The following METTL25 variants were observed in gnomAD, a reference collection of about 807,000 sequenced individuals.
METTL25 encodes the protein probable methyltransferase-like protein 25.
METTL25 carries 64 observed loss-of-function variants against 71.6 expected under a neutral mutation model. That is an observed-to-expected ratio of 0.89 (90% confidence interval 0.73 to 1.10). METTL25 has a LOEUF of 1.10. METTL25 is among the 50% of genes least tolerant of loss of function. The probability of loss-of-function intolerance (pLI) is 0.00; values close to 1 mark genes in which losing one functional copy is unlikely to be tolerated. For synonymous variants in METTL25, 287 were observed against 250.3 expected, an observed-to-expected ratio of 1.15 and a Z score of -1.38; for missense variants, 807 against 707.0, an observed-to-expected ratio of 1.14 and a Z score of -1.60.
intron 4 of METTL25, among the ~76,000 whole-genome samples, chr12:82,400,589 T>TAAAA (rs5799584): frequency 0.31 from 47,084 of 151,896 alleles, 8,533 homozygotes; most frequent in African/African-American, 0.51. Flanking sequence ...TAGTTTAACT[T>TAAAA]AAATGTAAAT....
Position 82,398,938 on chromosome 12 carries a change from ACT to A in METTL25, c.678_679del (p.Cys227SerfsTer24), listed in dbSNP as rs1427503079. On this transcript the variant is annotated frameshift_variant, in exon 4 of 12. Transcript: ENST00000248306. LOFTEE classifies it high-confidence loss of function. ...RNRKLKKHWK[L>X]CHAQSRLDVN... ...ACAGAAAATTGAAGAAACATTGGAA[ACT>A]CTGTCATGCTCAGTCAAGATTAGAT... 6.2e-7 allele frequency: 1 copy of A among 1,612,388 alleles called. No individual in the cohort carries two copies. The highest frequency in any genetic ancestry group is 1.7e-5 in the Admixed American group (1 of 59,870).
intron 1 of METTL25, among the ~76,000 whole-genome samples, chr12:82,379,463 A>G (rs1884211053): frequency 6.6e-6 from 1 of 152,172 alleles, no homozygotes; most frequent in Non-Finnish European, 1.5e-5. Flanking sequence ...TTATTCTTAA[A>G]TGCTTCTCAT....
intron 5 of METTL25, among the ~76,000 whole-genome samples, chr12:82,412,236 A>G (rs1157982387): frequency 1.3e-5 from 2 of 152,110 alleles, no homozygotes; most frequent in African/African-American, 2.4e-5. Context: ...TAGGTACTTA[A>G]TCTTATAACA....
chr12:82,405,562 TC>T (rs1293597303), intron 5 of METTL25, among the ~76,000 whole-genome samples: 2 of 152,188 alleles, frequency 1.3e-5, no homozygotes, highest in African/African-American at 4.8e-5. Flanking sequence ...TCCTTGCTAA[TC>T]CATTTTAAAT....
intron 5 of METTL25, among the ~76,000 whole-genome samples, chr12:82,422,081 A>G (rs1888562253): frequency 6.6e-6 from 1 of 152,188 alleles, no homozygotes; most frequent in Non-Finnish European, 1.5e-5. Flanking sequence ...AAAGCCTGGC[A>G]GAGACACAAC....
intron 5 of METTL25, among the ~76,000 whole-genome samples, chr12:82,415,572 T>C (rs1335946114): frequency 1.3e-5 from 2 of 152,074 alleles, no homozygotes; most frequent in Non-Finnish European, 2.9e-5. Flanking sequence ...TGTACATTCC[T>C]GTGTGAGACT....
intron 2 of METTL25, among the ~76,000 whole-genome samples, chr12:82,387,516 A>C (rs1885154017): frequency 6.6e-6 from 1 of 151,988 alleles, no homozygotes; most frequent in African/African-American, 2.4e-5. Context: ...AAAAAAACTC[A>C]GATTCTTTTA....
chr12:82,438,984 C>A (rs1592725181), intron 8 of METTL25, 193 bp downstream of exon 8: 1 of 367,636 alleles, frequency 2.7e-6, no homozygotes, highest in East Asian at 4.1e-5. Flanking sequence ...TCTAATGATT[C>A]CTTCTTGTCC....
At chr12:82,478,165 G>A (rs905107933) in intron 11 of METTL25, among the ~76,000 whole-genome samples, 4 of 151,646 alleles carry the variant, frequency 2.6e-5, no homozygotes, top group Non-Finnish European at 4.4e-5. Context: ...GAAAGCTTTG[G>A]TTCCTAAGTT....
intron 8 of METTL25, 175 bp downstream of exon 8, chr12:82,438,966 G>A: frequency 2.4e-6 from 1 of 408,440 alleles, no homozygotes; most frequent in East Asian, 3.9e-5. Flanking sequence ...TATCATTAAA[G>A]TGGGGGCTCT....
rs770360255 is a variant in METTL25, at chr12:82,386,861, A to C, written c.318A>C (p.Glu106Asp). The change falls in exon 2 of 12, where the codon GAA becomes GAC. Residue 106 changes from glutamate to aspartate, a missense_variant. Physicochemically the swap from Glu to Asp is conservative, Grantham distance 45. Coordinates refer to ENST00000248306, the MANE Select transcript of METTL25 (RefSeq NM_032230.3). Reference protein sequence around the residue: ...CETSQKLVSVEAFALAAKYYS... With the variant: ...CETSQKLVSVDAFALAAKYYS... ...CTTCTCAGAAGTTGGTGAGTGTGGA[A>C]GCCTTTGCTCTGGCTGCGAAATACT... is the stretch of plus-strand genomic sequence containing the variant. The C allele has an allele frequency of 6.2e-7, 1 of 1,613,512 alleles. No homozygotes were observed. Among genetic ancestry groups the C allele is most frequent in the East Asian group, 2.2e-5 (1 of 44,840 alleles).
chr12:82,442,703 G>A (rs1890438648), intron 8 of METTL25, among the ~76,000 whole-genome samples: 1 of 152,096 alleles, frequency 6.6e-6, no homozygotes. Context: ...ATGAGACATT[G>A]TGGAAATTCA....
At chr12:82,415,950 T>A (rs1301258332) in intron 5 of METTL25, among the ~76,000 whole-genome samples, 1 of 152,156 alleles carries the variant, frequency 6.6e-6, no homozygotes, top group Non-Finnish European at 1.5e-5. Flanking sequence ...AATTTAATCA[T>A]TGTATTGTAA....
intron 1 of METTL25, among the ~76,000 whole-genome samples, chr12:82,365,009 C>T (rs979663447): frequency 1.3e-5 from 2 of 152,072 alleles, no homozygotes; most frequent in African/African-American, 4.8e-5. Context: ...TCTATTTTTA[C>T]ATTAAAATTG....
intron 1 of METTL25, among the ~76,000 whole-genome samples, chr12:82,359,561 T>C (rs1050287246): frequency 1.3e-5 from 2 of 152,252 alleles, no homozygotes; most frequent in African/African-American, 4.8e-5. Flanking sequence ...AAGCTGAAGC[T>C]GAGAGGCCAG....
chr12:82,364,401 G>T (rs1882325801), intron 1 of METTL25, among the ~76,000 whole-genome samples: 1 of 152,172 alleles, frequency 6.6e-6, no homozygotes, highest in South Asian at 2.1e-4. Context: ...TGCTTTTGTG[G>T]CAACTTTGTG....
At chr12:82,408,859 C>T (rs1887323034) in intron 5 of METTL25, among the ~76,000 whole-genome samples, 1 of 152,056 alleles carries the variant, frequency 6.6e-6, no homozygotes, top group African/African-American at 2.4e-5. Context: ...TGTAATATAT[C>T]AAGCACTAGG....
chr12:82,362,283 A>G (rs1021416004), intron 1 of METTL25, among the ~76,000 whole-genome samples: 26 of 152,232 alleles, frequency 1.7e-4, no homozygotes, highest in Non-Finnish European at 2.8e-4. Flanking sequence ...TGCATAAATT[A>G]TGGCTTTCCA....
chr12:82,459,952 C>CCAAT (rs1891755055), intron 9 of METTL25: 1 of 152,214 alleles, frequency 6.6e-6, no homozygotes, highest in Admixed American at 6.5e-5. Flanking sequence ...AGCCTCCTTG[C>CCAAT]CAATGGCTTT....
Sources: allele counts gnomAD v4.1 joint callset (sites outside exome capture counted in the v4.1 genomes callset), GRCh38; gene constraint gnomAD v4.1.1; transcripts MANE v1.5; gene names NCBI Gene and HGNC (gene_info 2026-07-23, HGNC 2026-07-21).